DIAPH2: variants seen among roughly 807,000 people sequenced by gnomAD.
DIAPH2 encodes the protein protein diaphanous homolog 2.
In DIAPH2, 35 loss-of-function variants were observed where a neutral mutation model predicts 92.7. The ratio of observed to expected loss-of-function variants is 0.38; its 90% CI spans 0.29 to 0.50. DIAPH2 has a LOEUF of 0.50. Among genes scored for constraint, DIAPH2 ranks in the 20% least tolerant of loss-of-function variants. The probability of loss-of-function intolerance (pLI) is 0.94; values close to 1 mark genes in which losing one functional copy is unlikely to be tolerated. For synonymous variants in DIAPH2, 301 were observed against 280.4 expected, an observed-to-expected ratio of 1.07 and a Z score of -0.73; for missense variants, 701 against 819.5, an observed-to-expected ratio of 0.86 and a Z score of 1.77.
At position 96,684,992 on chromosome X, in the gene DIAPH2, C is replaced by A. The variant is rs987755571; in HGVS notation, c.-67C>A. On this transcript the variant is annotated 5_prime_UTR_variant, in exon 1 of 27. Transcript: ENST00000324765. ...GAGTCAGCGCGGGGCAGTGTGAGCG[C>A]CCCGAGGTGCTTTCTCAGTTGAGGA... The A allele has an allele frequency of 5.3e-6, 5 of 945,034 alleles. No homozygotes were observed. The African/African-American group carries it at 8.3e-5, about 16-fold the overall frequency. 77.9% of individuals were successfully genotyped at this position (945,034 alleles called of 1,213,427 possible).
chrX:97,169,468 T>A (rs926607943), intron 22 of DIAPH2, among the ~76,000 whole-genome samples: 1 of 111,472 alleles, frequency 9.0e-6, no homozygotes, highest in East Asian at 2.8e-4. Context: ...TAGGGGAACA[T>A]GTAGGAGGTT....
chrX:97,292,546 C>G (rs2068601370), intron 23 of DIAPH2, among the ~76,000 whole-genome samples: 1 of 106,668 alleles, frequency 9.4e-6, no homozygotes, highest in South Asian at 4.1e-4. Context: ...ATTTAATACC[C>G]AATTTTTTTT....
chrX:96,728,873 A>C (rs2064037884), intron 1 of DIAPH2, among the ~76,000 whole-genome samples: 1 of 112,409 alleles, frequency 8.9e-6, no homozygotes, highest in Non-Finnish European at 1.9e-5. Flanking sequence ...AATATTGTGA[A>C]CCCCATAAAT....
intron 17 of DIAPH2, among the ~76,000 whole-genome samples, chrX:97,003,587 G>T (rs909529246): frequency 1.8e-5 from 2 of 111,987 alleles, no homozygotes; most frequent in Admixed American, 1.9e-4. Flanking sequence ...ATCCCTGTTT[G>T]CTATTTGTAT....
At chrX:97,075,495 A>G (rs1351238797) in intron 19 of DIAPH2, among the ~76,000 whole-genome samples, 2 of 112,052 alleles carry the variant, frequency 1.8e-5, no homozygotes, top group Non-Finnish European at 3.8e-5. Flanking sequence ...GTTTCAGTAT[A>G]AGCATATGCA....
At chrX:97,523,390 C>T (rs184450235) in intron 26 of DIAPH2, among the ~76,000 whole-genome samples, 2 of 111,844 alleles carry the variant, frequency 1.8e-5, no homozygotes, top group East Asian at 5.6e-4. Flanking sequence ...ATAATGACCA[C>T]GATTAAATGG....
intron 26 of DIAPH2, among the ~76,000 whole-genome samples, chrX:97,473,486 C>T (rs968896811): frequency 2.7e-5 from 3 of 111,257 alleles, no homozygotes; most frequent in Admixed American, 9.5e-5. Context: ...AGACGCCCGC[C>T]ACCATGCCCT....
At chrX:97,145,085 C>A (rs945460808) in intron 22 of DIAPH2, among the ~76,000 whole-genome samples, 1 of 111,863 alleles carries the variant, frequency 8.9e-6, no homozygotes, top group Non-Finnish European at 1.9e-5. Flanking sequence ...ACTTTCTAAT[C>A]CTAGCTCTAC....
At chrX:97,093,968 T>G (rs1050413161) in intron 19 of DIAPH2, among the ~76,000 whole-genome samples, 1 of 112,164 alleles carries the variant, frequency 8.9e-6, no homozygotes, top group Non-Finnish European at 1.9e-5. Flanking sequence ...AAAGAGATTT[T>G]TTTTAGGAAA....
At chrX:96,916,228 TATATC>T (rs1447957101) in intron 7 of DIAPH2, among the ~76,000 whole-genome samples, 1 of 110,815 alleles carries the variant, frequency 9.0e-6, no homozygotes, top group Non-Finnish European at 1.9e-5. Flanking sequence ...CTAATGGAGA[TATATC>T]TGATCAAGGA....
chrX:96,697,586 C>A lies in DIAPH2; in HGVS notation c.132+12396C>A, dbSNP rs1056192519. 9.0e-5 allele frequency among the ~76,000 whole-genome samples: 10 copies of A among 110,888 alleles called. 1 individual carries two copies. The highest frequency in any genetic ancestry group is 1.5e-4 in the Non-Finnish European group (8 of 53,000). ...GCTTGATCCCGGGAGGCAGAGGTTG[C>A]AGTGAGCCGAGATCCGCCACTGCAC... On this transcript the variant is annotated intron_variant, in intron 1 of 26. Coordinates refer to ENST00000324765, the MANE Select transcript of DIAPH2 (RefSeq NM_006729.5).
At chrX:97,579,544 A>C (rs2071423449) in intron 26 of DIAPH2, among the ~76,000 whole-genome samples, 1 of 111,261 alleles carries the variant, frequency 9.0e-6, no homozygotes, top group Non-Finnish European at 1.9e-5. Flanking sequence ...TTTTGGTACC[A>C]GTACCATGCT....
At chrX:97,212,589 TG>T (rs376006857) in intron 22 of DIAPH2, among the ~76,000 whole-genome samples, 954 of 83,950 alleles carry the variant, frequency 0.011, 16 homozygotes, top group African/African-American at 0.032. Context: ...TAGGGTTTTT[TG>T]TTTTTTTTTT....
intron 23 of DIAPH2, among the ~76,000 whole-genome samples, chrX:97,315,086 T>C (rs1292986425): frequency 9.0e-6 from 1 of 111,729 alleles, no homozygotes; most frequent in African/African-American, 3.3e-5. Flanking sequence ...ATCATTCTCC[T>C]TTTTTGTTAG....
At chrX:96,712,193 C>A (rs971415586) in intron 1 of DIAPH2, among the ~76,000 whole-genome samples, 24 of 111,087 alleles carry the variant, frequency 2.2e-4, no homozygotes, top group African/African-American at 6.9e-4. Flanking sequence ...CATTTGACTT[C>A]ATCACGCCTG....
At chrX:96,852,329 C>T (rs6620192) in intron 4 of DIAPH2, among the ~76,000 whole-genome samples, 8,426 of 111,682 alleles carry the variant, frequency 0.075, 354 homozygotes, top group East Asian at 0.31. Flanking sequence ...TGTACTAAAA[C>T]TATGTTTTTA....
intron 26 of DIAPH2, among the ~76,000 whole-genome samples, chrX:97,551,757 A>G (rs138822880): frequency 0.013 from 1,410 of 111,013 alleles, 19 homozygotes; most frequent in African/African-American, 0.043. Flanking sequence ...CACTCTGATT[A>G]TTCCCGAAGT....
chrX:97,447,613 T>A (rs992022700), intron 26 of DIAPH2, among the ~76,000 whole-genome samples: 1 of 111,545 alleles, frequency 9.0e-6, no homozygotes, highest in East Asian at 2.8e-4. Context: ...GGTACTGTCA[T>A]GGTAACCTCA....
intron 22 of DIAPH2, among the ~76,000 whole-genome samples, chrX:97,192,293 CAAAAAAAAAAA>C (rs773665704): frequency 2.5e-4 from 8 of 32,411 alleles, no homozygotes; most frequent in Non-Finnish European, 3.4e-4. Flanking sequence ...GACTCCGTCT[CAAAAAAAAAAA>C]AAAAAAAAAA....
Sources: allele counts gnomAD v4.1 joint callset (sites outside exome capture counted in the v4.1 genomes callset), GRCh38; gene constraint gnomAD v4.1.1; transcripts MANE v1.5; gene names NCBI Gene and HGNC (gene_info 2026-07-23, HGNC 2026-07-21).